Variants in ABCC8 observed in about 807,000 individuals in gnomAD.
ABCC8 encodes ATP binding cassette subfamily C member 8.
A neutral mutation model predicts 188.0 loss-of-function variants in ABCC8; 137 were observed. The observed-to-expected ratio is 0.73, with a 90% CI of 0.63 to 0.84. ABCC8 has a LOEUF of 0.84. Among genes scored for constraint, ABCC8 ranks in the 40% least tolerant of loss-of-function variants. The probability of loss-of-function intolerance (pLI) is 0.00; values close to 1 mark genes in which losing one functional copy is unlikely to be tolerated. For synonymous variants in ABCC8, 797 were observed against 846.5 expected (o/e 0.94, Z 1.01); for missense variants, 1,750 against 2,072.7 (o/e 0.84, Z 3.02).
At chr11:17,450,138 C>T (rs1022023283) in intron 7 of ABCC8, among the ~76,000 whole-genome samples, 7 of 152,174 alleles carry the variant, frequency 4.6e-5, no homozygotes, top group Non-Finnish European at 1.0e-4. Context: ...CGTGGTTATT[C>T]TCTAACCCAT....
intron 28 of ABCC8, 174 bp from the exon 29 acceptor site, chr11:17,402,927 T>C (rs1954320898): frequency 4.3e-6 from 1 of 231,180 alleles, no homozygotes; most frequent in Non-Finnish European, 7.1e-6. Flanking sequence ...TGAGCTTTTG[T>C]GAGCACTGAA....
chr11:17,407,439 C>T lies in ABCC8; in HGVS notation c.2835G>A (p.Glu945=), dbSNP rs754757951. 5.0e-6 allele frequency: 8 copies of T among 1,614,052 alleles called. No individual in the cohort carries two copies. The African/African-American group carries it at 1.1e-4, about 22-fold the overall frequency. ...DQELEKETVT[E]RKATEPPQGL... is the part of the protein sequence containing the mutation. ...CCTGGGGTGGCTCTGTGGCTTTTCT[C>T]TCTGTGACAGTCTCCTAAAAGACAG... Residue 945 remains glutamate, a synonymous_variant, in exon 24 of 39, where the codon GAG becomes GAA. Transcript: ENST00000389817.
chr11:17,428,746 G>A, intron 12 of ABCC8, 76 bp from the exon 13 acceptor site: 1 of 1,588,822 alleles, frequency 6.3e-7, no homozygotes. Context: ...GCCTGATAGA[G>A]AGCTCTGAGC....
chr11:17,439,789 A>T (rs2133584238), intron 10 of ABCC8, among the ~76,000 whole-genome samples: 1 of 152,100 alleles, frequency 6.6e-6, no homozygotes, highest in South Asian at 2.1e-4. Flanking sequence ...ACACGTGAGG[A>T]GTCCTGGGCG....
chr11:17,430,756 C>G (rs898587261), intron 12 of ABCC8, 58 bp downstream of exon 12: 11 of 1,576,036 alleles, frequency 7.0e-6, no homozygotes, highest in African/African-American at 2.7e-5. Context: ...CTCGAGCAAG[C>G]CTTGAGGCTG....
chr11:17,443,399 C>A, intron 8 of ABCC8, 87 bp from the exon 9 acceptor site: 1 of 1,605,460 alleles, frequency 6.2e-7, no homozygotes, highest in Non-Finnish European at 8.5e-7. Flanking sequence ...TCCCCAGTCC[C>A]CTAGAGTGGG....
At chr11:17,449,678 C>T (rs940801589) in intron 7 of ABCC8, among the ~76,000 whole-genome samples, 24 of 152,314 alleles carry the variant, frequency 1.6e-4, no homozygotes, top group African/African-American at 5.3e-4. Flanking sequence ...CCTCAGGATG[C>T]CTGCTCTTGG....
At chr11:17,453,701 C>T (rs540946741) in intron 6 of ABCC8, among the ~76,000 whole-genome samples, 14 of 152,254 alleles carry the variant, frequency 9.2e-5, no homozygotes, top group African/African-American at 2.6e-4. Flanking sequence ...TCCCTTGTTC[C>T]GAACTTACCA....
chr11:17,393,192 C>A (rs997146625), intron 38 of ABCC8, 64 bp from the exon 39 acceptor site: 151 of 1,603,046 alleles, frequency 9.4e-5, no homozygotes, highest in Non-Finnish European at 1.2e-4. Context: ...GGGGCCACAG[C>A]TGAGGGTGGC....
chr11:17,442,612 T>C, intron 10 of ABCC8, 108 bp downstream of exon 10: 1 of 1,151,890 alleles, frequency 8.7e-7, no homozygotes, highest in South Asian at 1.2e-5. Flanking sequence ...TCGGATAATC[T>C]CAAGGCCTCC....
intron 7 of ABCC8, among the ~76,000 whole-genome samples, chr11:17,448,933 C>T (rs556613632): frequency 2.6e-5 from 4 of 151,994 alleles, no homozygotes; most frequent in Non-Finnish European, 5.9e-5. Context: ...AATTCATTTA[C>T]TTATTTATTT....
At chr11:17,407,538 G>A (rs1954603381) in intron 23 of ABCC8, 85 bp from the exon 24 acceptor site, 2 of 1,590,184 alleles carry the variant, frequency 1.3e-6, no homozygotes, top group South Asian at 1.1e-5. Context: ...CTACTCTGGT[G>A]ATGACCAATG....
chr11:17,450,685 CTTTTTTTTT>C (rs71047553), intron 7 of ABCC8, among the ~76,000 whole-genome samples: 5 of 76,706 alleles, frequency 6.5e-5, no homozygotes, highest in African/African-American at 1.2e-4. Flanking sequence ...GCATGAGCCA[CTTTTTTTTT>C]TTTTTTTTTT....
intron 29 of ABCC8, among the ~76,000 whole-genome samples, chr11:17,402,019 C>T (rs1012693074): frequency 4.6e-5 from 7 of 152,224 alleles, no homozygotes; most frequent in African/African-American, 9.7e-5. Flanking sequence ...TGGATTTATC[C>T]TGGCCTGCTC....
rs527645325 is a variant in ABCC8 at position 17,463,954 on chromosome 11, T to G, written c.413-350A>C. 3.3e-5 allele frequency among the ~76,000 whole-genome samples: 5 copies of G among 152,338 alleles called. No individual in the cohort carries two copies. The East Asian group carries it at 9.6e-4, about 29-fold the overall frequency. On this transcript the variant is annotated intron_variant, in intron 3 of 38. Transcript: ENST00000389817. The stretch of plus-strand genomic sequence containing the variant: ...AGCACTTTAAACACATGATCTTATC[T>G]ATTCCTCACCATAACTTTTCAAAGA...
At chr11:17,433,335 G>GAGCCAGA (rs1955932336) in intron 10 of ABCC8, among the ~76,000 whole-genome samples, 2 of 152,372 alleles carry the variant, frequency 1.3e-5, no homozygotes, top group South Asian at 4.1e-4. Flanking sequence ...CAGGAGTCAG[G>GAGCCAGA]AGCCAGAAGC....
At chr11:17,442,097 T>C (rs539832765) in intron 10 of ABCC8, among the ~76,000 whole-genome samples, 1 of 152,072 alleles carries the variant, frequency 6.6e-6, no homozygotes, top group Non-Finnish European at 1.5e-5. Context: ...GAAAAAAAAG[T>C]TTTACATTCT....
chr11:17,411,951 G>T (rs1471049254), intron 21 of ABCC8, among the ~76,000 whole-genome samples: 1 of 148,322 alleles, frequency 6.7e-6, no homozygotes, highest in Non-Finnish European at 1.5e-5. Flanking sequence ...GGAGTGCAGT[G>T]GTGCGATCTC....
intron 6 of ABCC8, among the ~76,000 whole-genome samples, chr11:17,453,719 G>GC (rs1956895191): frequency 6.6e-6 from 1 of 152,188 alleles, no homozygotes; most frequent in Admixed American, 6.5e-5. Context: ...CCAACAGCCT[G>GC]TAATGTAGCA....
Sources: gnomAD v4.1 joint callset for allele counts (sites outside exome capture counted in the v4.1 genomes callset) on GRCh38, gnomAD v4.1.1 for gene constraint, MANE v1.5 for transcripts, NCBI Gene and HGNC (gene_info 2026-07-23, HGNC 2026-07-21) for gene names.